CASZ1: variants seen among roughly 807,000 people sequenced by gnomAD.
CASZ1 encodes the protein zinc finger protein castor homolog 1.
Under a neutral mutation model 135.2 loss-of-function variants are expected in CASZ1, and 28 were observed. The ratio of observed to expected loss-of-function variants is 0.21; its 90% CI spans 0.15 to 0.28. CASZ1 has a LOEUF of 0.28. Ranked by LOEUF, CASZ1 falls within the 10% of genes least tolerant of loss-of-function variation. The probability of loss-of-function intolerance (pLI) is 1.00; values close to 1 mark genes in which losing one functional copy is unlikely to be tolerated. For missense variants in CASZ1, 2,161 were observed against 2,453.3 expected, an observed-to-expected ratio of 0.88 and a Z score of 2.52; for synonymous variants, 1,068 against 1,073.4, an observed-to-expected ratio of 0.99 and a Z score of 0.10.
intron 1 of CASZ1, among the ~76,000 whole-genome samples, chr1:10,765,788 T>C (rs973832716): frequency 1.3e-5 from 2 of 152,174 alleles, no homozygotes; most frequent in Admixed American, 6.5e-5. Flanking sequence ...TAAGGTACTG[T>C]CCACTGTCCT....
intron 4 of CASZ1, among the ~76,000 whole-genome samples, chr1:10,678,589 G>A (rs1440950947): frequency 6.6e-6 from 1 of 152,172 alleles, no homozygotes; most frequent in Non-Finnish European, 1.5e-5. Flanking sequence ...CCTGGGCCGC[G>A]CCGGCTCGCG....
Position 10,726,280 on chromosome 1 carries a change from C to T in CASZ1, c.-76-20736G>A, listed in dbSNP as rs1354328533. Reference sequence around the variant, plus strand: ...ACACCACTGTTCATGCCCTCATTTACGGAGGAGGAAATGAGGCTTGGGGAG... The same window carrying T: ...ACACCACTGTTCATGCCCTCATTTATGGAGGAGGAAATGAGGCTTGGGGAG... On this transcript the variant is annotated intron_variant, in intron 2 of 20. Coordinates refer to ENST00000377022, the MANE Select transcript of CASZ1 (RefSeq NM_001079843.3). The surrounding 1 kb of genome is among the most constrained non-coding windows in gnomAD (Gnocchi z 5.7). 6.6e-6 allele frequency among the ~76,000 whole-genome samples: 1 copy of T among 152,146 alleles called. No homozygotes were observed. Among genetic ancestry groups the T allele is most frequent in the South Asian group, 2.1e-4 (1 of 4,818 alleles).
intron 2 of CASZ1, among the ~76,000 whole-genome samples, chr1:10,753,121 T>C (rs1348396506): frequency 6.6e-6 from 1 of 152,266 alleles, no homozygotes; most frequent in Non-Finnish European, 1.5e-5. Flanking sequence ...AATATACTTA[T>C]ACTAAAAAGT....
In CASZ1 at chr1:10,699,001, C is replaced by G. The variant is rs969169565; in HGVS notation, c.-23-5089G>C. On this transcript the variant is annotated intron_variant, in intron 3 of 20. Coordinates refer to ENST00000377022, the MANE Select transcript of CASZ1 (RefSeq NM_001079843.3). The surrounding 1 kb of genome is among the most constrained non-coding windows in gnomAD (Gnocchi z 4.6). ...GCCACTCAGCTCCCCCACCGCTCCCCCACCCATGGCCTGGCCTGGGTTGGG... is the reference window on the plus strand; with the variant it reads ...GCCACTCAGCTCCCCCACCGCTCCCGCACCCATGGCCTGGCCTGGGTTGGG... Among the ~76,000 whole-genome samples the G allele has an allele frequency of 6.6e-6, 1 of 152,230 alleles. No individual in the cohort carries two copies. The highest frequency in any genetic ancestry group is 1.5e-5 in the Non-Finnish European group (1 of 68,036).
rs1553124844 is a variant in CASZ1, at chr1:10,647,527, A to ACCAGGCCCAGT, written c.3497+273_3497+274insACTGGGCCTGG. ...AGGACCACCACGCCCAGTCCACCCC[A>ACCAGGCCCAGT]CCTGGCCCTGGCAGGATCACCACAT... On this transcript the variant is annotated intron_variant, in intron 16 of 20. Transcript: ENST00000377022. This position sits in a 1 kb window ranked among gnomAD's most constrained non-coding sequence, Gnocchi z 4.9. 2 of 1,353,006 alleles carry ACCAGGCCCAGT rather than the reference A, an allele frequency of 1.5e-6. No homozygotes were observed. The highest frequency in any genetic ancestry group is 1.9e-6 in the Non-Finnish European group (2 of 1,047,984). The allele number at this position is 1,353,006 out of a possible 1,614,324, so 83.8% of individuals were successfully genotyped here.
chr1:10,655,083 G>A (rs1054265718), intron 9 of CASZ1, among the ~76,000 whole-genome samples: 12 of 148,194 alleles, frequency 8.1e-5, no homozygotes, highest in African/African-American at 1.7e-4. Flanking sequence ...GTAAAAACCC[G>A]TGGAATCCGA....
At chr1:10,764,630 C>T (rs1640439624) in intron 1 of CASZ1, among the ~76,000 whole-genome samples, 1 of 152,170 alleles carries the variant, frequency 6.6e-6, no homozygotes, top group Admixed American at 6.5e-5. Context: ...CTGACAGGCT[C>T]CAAGGCCCAA....
chr1:10,662,606 TCA>T (rs1643086290), intron 5 of CASZ1, among the ~76,000 whole-genome samples: 1 of 147,526 alleles, frequency 6.8e-6, no homozygotes. Context: ...ACACACACTC[TCA>T]CATACATCCA....
Position 10,655,876 on chromosome 1 carries a change from T to C in CASZ1, c.1501-63A>G, listed in dbSNP as rs529220846. 473 of 1,553,342 alleles carry C rather than the reference T, an allele frequency of 3.0e-4. 2 individuals carry two copies. The African/African-American group carries it at 5.8e-3, about 19-fold the overall frequency. Reference sequence around the variant, plus strand: ...CTCCCCCTCCGCCCTTCCTCCCATATGCCAAGAGCACCTGGGCCAGGTGCT... The same window carrying C: ...CTCCCCCTCCGCCCTTCCTCCCATACGCCAAGAGCACCTGGGCCAGGTGCT... On this transcript the variant is annotated intron_variant, in intron 8 of 20. Coordinates refer to ENST00000377022, the MANE Select transcript of CASZ1 (RefSeq NM_001079843.3).
intron 2 of CASZ1, among the ~76,000 whole-genome samples, chr1:10,749,360 G>C (rs1640106459): frequency 6.6e-6 from 1 of 151,862 alleles, no homozygotes; most frequent in Non-Finnish European, 1.5e-5. Context: ...CAATTCTCCT[G>C]CCTCAGCCTC....
Position 10,639,959 on chromosome 1 carries a change from G to T in CASZ1, c.4263C>A (p.Ser1421=), listed in dbSNP as rs1255042362. 6 of 1,612,804 alleles carry T rather than the reference G, an allele frequency of 3.7e-6. No homozygotes were observed. The African/African-American group carries it at 4.0e-5, about 11-fold the overall frequency. The part of the protein sequence containing the change: ...PFGKRRKTAS[S]RKMLDEGMML... ...TCATGCCCTCGTCCAGCATCTTCCG[G>T]GAGGACGCCGTCTTCCGCCGCTTGC... The change falls in exon 21 of 21, where the codon TCC becomes TCA. Residue 1421 remains serine (S), a synonymous_variant. Transcript: ENST00000377022. This position sits in a 1 kb window ranked among gnomAD's most constrained non-coding sequence, Gnocchi z 4.0.
rs1246617062 is a variant in CASZ1 at position 10,707,499 on chromosome 1, A to AT, written c.-76-1956dup. Among the ~76,000 whole-genome samples, 1 of 152,084 alleles carries AT rather than the reference A, an allele frequency of 6.6e-6. No individual in the cohort carries two copies. The highest frequency in any genetic ancestry group is 1.5e-5 in the Non-Finnish European group (1 of 68,028). ...CTTGCAGATCTGATCACACAGAACA[A>AT]TCAGGGAGGAAACTTTCCAGGAGTT... is the stretch of plus-strand genomic sequence containing the variant. On this transcript the variant is annotated intron_variant, in intron 2 of 20. Transcript: ENST00000377022. This position sits in a 1 kb window ranked among gnomAD's most constrained non-coding sequence, Gnocchi z 5.0.
At chr1:10,789,481 T>G (rs1193783325) in intron 1 of CASZ1, among the ~76,000 whole-genome samples, 1 of 151,776 alleles carries the variant, frequency 6.6e-6, no homozygotes, top group African/African-American at 2.4e-5. Flanking sequence ...TCCTTAAGAC[T>G]TATTAAGAAT....
intron 1 of CASZ1, among the ~76,000 whole-genome samples, chr1:10,768,173 C>T (rs1640512300): frequency 6.6e-6 from 1 of 152,188 alleles, no homozygotes; most frequent in Non-Finnish European, 1.5e-5. Context: ...ATCTTGGACC[C>T]TCTGCTCAGG....
intron 2 of CASZ1, among the ~76,000 whole-genome samples, 187 bp from the exon 3 acceptor site, chr1:10,705,731 A>G (rs927052628): frequency 1.1e-4 from 16 of 152,240 alleles, no homozygotes; most frequent in African/African-American, 3.9e-4. Context: ...TGGCTCATTC[A>G]GGCATATGCC....
rs985089774 is a variant in CASZ1, at chr1:10,707,765, G to T, written c.-76-2221C>A. On this transcript the variant is annotated intron_variant, in intron 2 of 20. Coordinates refer to ENST00000377022, the MANE Select transcript of CASZ1 (RefSeq NM_001079843.3). This position sits in a 1 kb window ranked among gnomAD's most constrained non-coding sequence, Gnocchi z 5.0. ...TCTGGGCATCTTTTCTTGTCTCTCTGCCTCTCACTGTCCCCACTGTCTGCT... is the reference window on the plus strand; with the variant it reads ...TCTGGGCATCTTTTCTTGTCTCTCTTCCTCTCACTGTCCCCACTGTCTGCT... Among the ~76,000 whole-genome samples, 1 of 152,122 alleles carries T rather than the reference G, an allele frequency of 6.6e-6. No homozygotes were observed. Among genetic ancestry groups the T allele is most frequent in the African/African-American group, 2.4e-5 (1 of 41,408 alleles).
In CASZ1 at chr1:10,741,171, C is replaced by T. The variant is rs1331667003; in HGVS notation, c.-77+19530G>A. 2.0e-5 allele frequency among the ~76,000 whole-genome samples: 3 copies of T among 152,142 alleles called. No homozygotes were observed. The highest frequency in any genetic ancestry group is 3.9e-4 in the East Asian group (2 of 5,166). On this transcript the variant is annotated intron_variant, in intron 2 of 20. Transcript: ENST00000377022. The surrounding 1 kb of genome is among the most constrained non-coding windows in gnomAD (Gnocchi z 5.0). ...ATAATTTTTGTATTTTTAGCAGAGA[C>T]GGGGTTTCACCATGTTGGTCAGGCT...
In CASZ1 at chr1:10,794,639, G is replaced by C. The variant is rs1446089461; in HGVS notation, c.-234+1925C>G. On this transcript the variant is annotated intron_variant, in intron 1 of 20. Transcript: ENST00000377022. This position sits in a 1 kb window ranked among gnomAD's most constrained non-coding sequence, Gnocchi z 5.6. ...CAGAGGAACTTGTGTGGAGGAAGAG[G>C]GGGTCCCCTGCCTCCCTCAGCGCTC... Among the ~76,000 whole-genome samples, 1 of 152,162 alleles carries C rather than the reference G, an allele frequency of 6.6e-6. No individual in the cohort carries two copies. The highest frequency in any genetic ancestry group is 2.4e-5 in the African/African-American group (1 of 41,440).
intron 3 of CASZ1, among the ~76,000 whole-genome samples, chr1:10,695,121 C>A (rs980808494): frequency 6.6e-6 from 1 of 151,254 alleles, no homozygotes; most frequent in African/African-American, 2.4e-5. Flanking sequence ...ACAGGGATTT[C>A]GTGTTCCCCT....
Sources: gnomAD v4.1 joint callset for allele counts (sites outside exome capture counted in the v4.1 genomes callset) on GRCh38, gnomAD v4.1.1 for gene constraint, Gnocchi (gnomAD v3.1) non-coding constraint, MANE v1.5 for transcripts, NCBI Gene and HGNC (gene_info 2026-07-23, HGNC 2026-07-21) for gene names.